GIPC2: variants seen among roughly 807,000 people sequenced by gnomAD.
GIPC2 encodes PDZ domain-containing protein GIPC2.
In GIPC2, 30 loss-of-function variants were observed where a neutral mutation model predicts 30.6. The observed-to-expected ratio is 0.98, with a 90% CI of 0.73 to 1.33. The LOEUF (loss-of-function observed/expected upper bound fraction) is 1.33, where lower values mean the gene tolerates loss of function less well. Ranked by LOEUF, GIPC2 falls within the 40% of genes most tolerant of loss-of-function variation. GIPC2 has a pLI of 0.00. For missense variants in GIPC2, 414 were observed against 390.3 expected (o/e 1.06, Z -0.51); for synonymous variants, 167 against 150.0 (o/e 1.11, Z -0.83).
intron 3 of GIPC2, among the ~76,000 whole-genome samples, chr1:78,107,172 C>T (rs1348769932): frequency 6.6e-6 from 1 of 151,740 alleles, no homozygotes; most frequent in East Asian, 2.0e-4. Flanking sequence ...CTTGCTCCCT[C>T]CCTCCCTCCT....
At position 78,097,536 on chromosome 1, in the gene GIPC2, C is replaced by T. The variant is rs182267536; in HGVS notation, c.607+2404C>T. 2.1e-3 allele frequency among the ~76,000 whole-genome samples: 320 copies of T among 152,296 alleles called. 4 individuals carry two copies. The highest frequency in any genetic ancestry group is 6.8e-3 in the African/African-American group (282 of 41,564). ...AGCATAGTTGGCTGCTTTGCAATGG[C>T]GTAACTAGGACTGCAAGCACCACTT... On this transcript the variant is annotated intron_variant, in intron 3 of 5. Coordinates refer to ENST00000370759, the MANE Select transcript of GIPC2 (RefSeq NM_017655.6).
At chr1:78,108,154 TGAAAGGATAAAAC>T (rs1361388485) in intron 3 of GIPC2, among the ~76,000 whole-genome samples, 4 of 152,188 alleles carry the variant, frequency 2.6e-5, no homozygotes, top group Non-Finnish European at 5.9e-5. Context: ...GTAAAATAAG[TGAAAGGATAAAAC>T]GAAATATTTT....
chr1:78,112,583 G>A (rs779055105), intron 3 of GIPC2: 2 of 517,824 alleles, frequency 3.9e-6, no homozygotes, highest in African/African-American at 1.9e-5. Flanking sequence ...CGTTCTGTGC[G>A]GAAGTGGGGA....
intron 3 of GIPC2, among the ~76,000 whole-genome samples, chr1:78,110,469 A>G (rs993488208): frequency 6.6e-6 from 1 of 152,170 alleles, no homozygotes; most frequent in Admixed American, 6.5e-5. Flanking sequence ...GTAACTGTGA[A>G]CTCCCTGTTT....
chr1:78,087,842 A>C (rs1661960215), intron 2 of GIPC2, among the ~76,000 whole-genome samples: 1 of 152,228 alleles, frequency 6.6e-6, no homozygotes, highest in Admixed American at 6.5e-5. Flanking sequence ...GAATAGGAGA[A>C]AAATATTTGC....
chr1:78,135,477 A>C, intron 5 of GIPC2, 115 bp from the exon 6 acceptor site: 1 of 628,340 alleles, frequency 1.6e-6, no homozygotes, highest in Non-Finnish European at 2.8e-6. Context: ...TTTGCATTTA[A>C]TTTGAAATAT....
At chr1:78,122,334 C>T (rs1375765403) in intron 4 of GIPC2, among the ~76,000 whole-genome samples, 3 of 152,184 alleles carry the variant, frequency 2.0e-5, no homozygotes, top group Non-Finnish European at 4.4e-5. Context: ...CTCCTTTAAT[C>T]ACCTAGCACA....
intron 1 of GIPC2, among the ~76,000 whole-genome samples, chr1:78,051,579 A>G (rs531404088): frequency 6.2e-4 from 94 of 150,774 alleles, no homozygotes; most frequent in African/African-American, 2.1e-3. Context: ...GGCTCACTGC[A>G]ACCTCTGCCT....
intron 1 of GIPC2, among the ~76,000 whole-genome samples, chr1:78,074,333 A>G (rs916650894): frequency 4.2e-4 from 64 of 152,208 alleles, no homozygotes; most frequent in African/African-American, 1.5e-3. Flanking sequence ...GGTTCAAGCA[A>G]TATTCCTGCC....
chr1:78,110,660 C>T (rs1662450246), intron 3 of GIPC2, among the ~76,000 whole-genome samples: 1 of 152,210 alleles, frequency 6.6e-6, no homozygotes, highest in African/African-American at 2.4e-5. Context: ...TGTAACCTCT[C>T]CATTCATCGC....
intron 5 of GIPC2, among the ~76,000 whole-genome samples, chr1:78,134,427 G>A (rs1365943775): frequency 6.6e-6 from 1 of 151,642 alleles, no homozygotes; most frequent in African/African-American, 2.4e-5. Flanking sequence ...TTATCACCGT[G>A]GCTGCTGCCC....
intron 3 of GIPC2, among the ~76,000 whole-genome samples, chr1:78,097,282 TTC>T (rs1662156094): frequency 6.6e-6 from 1 of 152,196 alleles, no homozygotes; most frequent in South Asian, 2.1e-4. Context: ...GATTGTCTGA[TTC>T]TCTGTCCTCT....
At chr1:78,098,836 A>G (rs1451597415) in intron 3 of GIPC2, among the ~76,000 whole-genome samples, 2 of 152,160 alleles carry the variant, frequency 1.3e-5, no homozygotes, top group Non-Finnish European at 2.9e-5. Flanking sequence ...CATGAAGATA[A>G]CTATCTATCT....
intron 3 of GIPC2, among the ~76,000 whole-genome samples, chr1:78,114,795 C>T (rs1662538031): frequency 6.6e-6 from 1 of 152,058 alleles, no homozygotes; most frequent in African/African-American, 2.4e-5. Flanking sequence ...AAACTATGGA[C>T]ATTGGGTGAT....
At position 78,091,960 on chromosome 1, in the gene GIPC2, C is replaced by T. The variant is rs1486688414; in HGVS notation, c.427-2992C>T. 1.3e-5 allele frequency: 15 copies of T among 1,146,522 alleles called. No homozygotes were observed. The South Asian group carries it at 1.6e-4, about 12-fold the overall frequency. The allele number at this position is 1,146,522 out of a possible 1,614,324, so 71.0% of individuals were successfully genotyped here. ...CTGTTCTTGGTCATTTTTGCTTCTT[C>T]TTCGTTTTGAAGAACTTCAACCCCA... is the stretch of plus-strand genomic sequence containing the variant. On this transcript the variant is annotated intron_variant, in intron 2 of 5. Coordinates refer to ENST00000370759, the MANE Select transcript of GIPC2 (RefSeq NM_017655.6).
intron 3 of GIPC2, among the ~76,000 whole-genome samples, chr1:78,097,829 T>C (rs1662166546): frequency 6.6e-6 from 1 of 152,212 alleles, no homozygotes; most frequent in African/African-American, 2.4e-5. Flanking sequence ...TGGCACTGGC[T>C]GAATTGACTC....
Position 78,094,937 on chromosome 1 carries a change from T to C in GIPC2, c.427-15T>C. 6.6e-7 allele frequency: 1 copy of C among 1,517,424 alleles called. No homozygotes were observed. The highest frequency in any genetic ancestry group is 9.1e-7 in the Non-Finnish European group (1 of 1,093,282). 94.0% of individuals were successfully genotyped at this position (1,517,424 alleles called of 1,614,324 possible). On this transcript the variant is annotated splice_polypyrimidine_tract_variant and intron_variant, in intron 2 of 5. Coordinates refer to ENST00000370759, the MANE Select transcript of GIPC2 (RefSeq NM_017655.6). Reference sequence around the variant, plus strand: ...AGTTCTATTTTATATTATGTTATCATCAATTTCCTTTCAGAGAATTAAAGA... The same window carrying C: ...AGTTCTATTTTATATTATGTTATCACCAATTTCCTTTCAGAGAATTAAAGA...
chr1:78,112,494 A>G (rs1309953527), intron 3 of GIPC2: 1 of 518,988 alleles, frequency 1.9e-6, no homozygotes, highest in East Asian at 5.5e-5. Flanking sequence ...TGTTGAAATT[A>G]TGGTCTCTGC....
At chr1:78,111,618 T>TA (rs1480779990) in intron 3 of GIPC2, among the ~76,000 whole-genome samples, 6 of 152,348 alleles carry the variant, frequency 3.9e-5, no homozygotes, top group African/African-American at 1.4e-4. Flanking sequence ...GTTGTTTTGT[T>TA]AGGAGACAGT....
Sources: allele counts gnomAD v4.1 joint callset (sites outside exome capture counted in the v4.1 genomes callset), GRCh38; gene constraint gnomAD v4.1.1; transcripts MANE v1.5; gene names NCBI Gene and HGNC (gene_info 2026-07-23, HGNC 2026-07-21).